The following THRAP3 variants were observed in gnomAD, a reference collection of about 807,000 sequenced individuals.
THRAP3 encodes thyroid hormone receptor associated protein 3.
In THRAP3, 16 loss-of-function variants were observed where a neutral mutation model predicts 101.0. That is an observed-to-expected ratio of 0.16 (90% CI 0.11 to 0.24). THRAP3 has a LOEUF of 0.24. Among genes scored for constraint, THRAP3 ranks in the 10% least tolerant of loss-of-function variants. THRAP3 has a pLI of 1.00. For missense variants in THRAP3, 989 were observed against 1,202.7 expected, an observed-to-expected ratio of 0.82 and a Z score of 2.63; for synonymous variants, 407 against 422.6, an observed-to-expected ratio of 0.96 and a Z score of 0.45.
chr1:36,213,958 A>AGAAAGAAG, the THRAP3 span, among the ~76,000 whole-genome samples: 50 of 118,322 alleles, frequency 4.2e-4, no homozygotes, highest in Admixed American at 6.7e-4. Flanking sequence ...AAAGAAAGAA[A>AGAAAGAAG]GAAGGAAAGA....
chr1:36,286,941 A>G lies in THRAP3; in HGVS notation c.711A>G (p.Ser237=). The G allele has an allele frequency of 2.5e-6, 4 of 1,614,270 alleles. No homozygotes were observed. Among genetic ancestry groups the G allele is most frequent in the Non-Finnish European group, 2.5e-6 (3 of 1,180,054 alleles). Residue 237 remains serine (S), a synonymous_variant, in exon 4 of 12, where the codon TCA becomes TCG. Transcript: ENST00000354618. This position sits in a 1 kb window ranked among gnomAD's most constrained non-coding sequence, Gnocchi z 5.5. Reference sequence around the variant, plus strand: ...GCACTGGTTCTGCATCACGGGCCTCAGCAGTTTCTGAGCTGAGTCCTCGGG... The same window carrying G: ...GCACTGGTTCTGCATCACGGGCCTCGGCAGTTTCTGAGCTGAGTCCTCGGG... ...TYGTGSASRA[S]AVSELSPRER... is the part of the protein sequence containing the mutation.
In THRAP3 at chr1:36,271,687, G is replaced by A. The variant is rs11804615; in HGVS notation, c.-31-10846G>A. Among the ~76,000 whole-genome samples, 545 of 141,180 alleles carry A rather than the reference G, an allele frequency of 3.9e-3. 5 individuals are homozygous for A. The highest frequency in any genetic ancestry group is 0.015 in the East Asian group (67 of 4,522). 92.6% of individuals were successfully genotyped at this position (141,180 alleles called of 152,430 possible). On this transcript the variant is annotated intron_variant, in intron 2 of 11. Transcript: ENST00000354618. ...TCGCTCACCACAACCTCCACCTCCC[G>A]AGTTCAAGCAATTCTCCTGCCTCAG...
intron 1 of THRAP3, among the ~76,000 whole-genome samples, chr1:36,242,819 A>G (rs1645178349): frequency 6.6e-6 from 1 of 152,120 alleles, no homozygotes; most frequent in Admixed American, 6.5e-5. Context: ...GTACTTATAG[A>G]ATTTTGTTTG....
upstream of THRAP3, among the ~76,000 whole-genome samples, chr1:36,223,122 C>CAATAAATA (rs546686168): frequency 3.3e-5 from 5 of 151,556 alleles, no homozygotes; most frequent in Non-Finnish European, 7.4e-5. Context: ...GGGAGAATCT[C>CAATAAATA]AATAAATAAA....
chr1:36,304,217 G>C lies in THRAP3; in HGVS notation c.*200G>C. The C allele has an allele frequency of 1.4e-6, 1 of 690,746 alleles. No individual in the cohort carries two copies. The highest frequency in any genetic ancestry group is 3.3e-5 in the East Asian group (1 of 30,288). 42.8% of individuals were successfully genotyped at this position (690,746 alleles called of 1,614,324 possible). A position where few individuals can be genotyped will look rare whatever the true frequency, so the allele number is the denominator to read the frequency against. ...GAGGAGGCTGGCCATGGGGCCCAGG[G>C]GTCAGGCCCAGCTTTTGAGCAGAAT... On this transcript the variant is annotated 3_prime_UTR_variant, in exon 12 of 12. Transcript: ENST00000354618.
At chr1:36,243,811 T>C (rs904052165) in intron 1 of THRAP3, among the ~76,000 whole-genome samples, 1 of 135,792 alleles carries the variant, frequency 7.4e-6, no homozygotes, top group Non-Finnish European at 1.6e-5. Flanking sequence ...GACGGGCGGC[T>C]GGCCAGGCGG....
At chr1:36,258,134 C>T (rs1350594086) in intron 1 of THRAP3, among the ~76,000 whole-genome samples, 7 of 151,944 alleles carry the variant, frequency 4.6e-5, no homozygotes, top group Admixed American at 2.6e-4. Flanking sequence ...CCACCACGCC[C>T]GGCTTGGAAT....
chr1:36,292,252 G>GT (rs1557453511), intron 6 of THRAP3, among the ~76,000 whole-genome samples: 1 of 57,504 alleles, frequency 1.7e-5, no homozygotes, highest in African/African-American at 5.4e-5. Context: ...AACATAATGT[G>GT]TTTCTTTGTT....
At chr1:36,226,555 G>A (rs927466449) in intron 1 of THRAP3, among the ~76,000 whole-genome samples, 4 of 152,090 alleles carry the variant, frequency 2.6e-5, no homozygotes, top group Non-Finnish European at 4.4e-5. Context: ...CACCGCGCCC[G>A]GCCACGATTT....
chr1:36,286,573 C>G lies in THRAP3; in HGVS notation c.343C>G (p.Arg115Gly), dbSNP rs200336563. 6.2e-7 allele frequency: 1 copy of G among 1,613,998 alleles called. No individual in the cohort carries two copies. The highest frequency in any genetic ancestry group is 8.5e-7 in the Non-Finnish European group (1 of 1,180,032). Residue 115 changes from arginine to glycine, a missense_variant, in exon 4 of 12, where the codon CGG (arginine) becomes GGG (glycine). Transcript: ENST00000354618. This position sits in a 1 kb window ranked among gnomAD's most constrained non-coding sequence, Gnocchi z 5.5. ...CTACCGCTCAAATTGGCAGAATTAC[C>G]GGCAAGCATACAGTCCTCGTCGAGG... is the stretch of plus-strand genomic sequence containing the variant. ...GNYRSNWQNYRQAYSPRRGRS... is the reference protein window; with the variant it reads ...GNYRSNWQNYGQAYSPRRGRS...
chr1:36,216,422 G>A, the THRAP3 span, among the ~76,000 whole-genome samples: 1 of 148,134 alleles, frequency 6.8e-6, no homozygotes, highest in East Asian at 2.0e-4. Context: ...GCAGAGGCAG[G>A]AGAATCGCTT....
In THRAP3 at chr1:36,292,256, CTTTGTTTCTTTTT is replaced by C. The variant is rs1226069491; in HGVS notation, c.1919-338_1919-326del. 7.2e-3 allele frequency among the ~76,000 whole-genome samples: 391 copies of C among 54,510 alleles called. 2 individuals carry two copies. The highest frequency in any genetic ancestry group is 0.012 in the Admixed American group (32 of 2,724). The allele number at this position is 54,510 out of a possible 152,430, so 35.8% of individuals were successfully genotyped here. On this transcript the variant is annotated intron_variant, in intron 6 of 11. Coordinates refer to ENST00000354618, the MANE Select transcript of THRAP3 (RefSeq NM_005119.4). The stretch of plus-strand genomic sequence containing the variant: ...CTGCCTTTGGTAACATAATGTGTTT[CTTTGTTTCTTTTT>C]TTTTTTTTTTTTTTTTTTTTGAGAC...
At chr1:36,274,076 T>A (rs76525434) in intron 2 of THRAP3, among the ~76,000 whole-genome samples, 5 of 44,776 alleles carry the variant, frequency 1.1e-4, no homozygotes, top group African/African-American at 1.9e-4. Context: ...TGTGTGTGTG[T>A]CACACACACA....
chr1:36,263,970 C>G (rs954098647), intron 2 of THRAP3, among the ~76,000 whole-genome samples: 2 of 152,230 alleles, frequency 1.3e-5, no homozygotes, highest in Non-Finnish European at 2.9e-5. Flanking sequence ...CAGTGTGACA[C>G]ATGCTAATTT....
chr1:36,233,307 A>G (rs1645049714), intron 1 of THRAP3, among the ~76,000 whole-genome samples: 1 of 151,378 alleles, frequency 6.6e-6, no homozygotes, highest in African/African-American at 2.4e-5. Flanking sequence ...GGAGATCAAG[A>G]CCATCCTGGC....
chr1:36,269,159 C>G (rs1645556350), intron 2 of THRAP3, among the ~76,000 whole-genome samples: 1 of 152,148 alleles, frequency 6.6e-6, no homozygotes, highest in Non-Finnish European at 1.5e-5. Flanking sequence ...CCTTAACCCT[C>G]CAATTTCTGA....
intron 1 of THRAP3, among the ~76,000 whole-genome samples, chr1:36,227,918 C>T (rs1275227861): frequency 3.3e-5 from 5 of 152,118 alleles, no homozygotes; most frequent in African/African-American, 1.2e-4. Flanking sequence ...CTCTGTTGCC[C>T]AGGCTGGAGT....
chr1:36,287,692 G>GCTGCA, intron 4 of THRAP3: 1 of 985,436 alleles, frequency 1.0e-6, no homozygotes, highest in Non-Finnish European at 1.2e-6. Context: ...ATGGTGAAGA[G>GCTGCA]CTGCACCCTC....
chr1:36,304,279 T>G lies in THRAP3; in HGVS notation c.*262T>G. 1.5e-5 allele frequency: 5 copies of G among 331,370 alleles called. No individual in the cohort carries two copies. Among genetic ancestry groups the G allele is most frequent in the Non-Finnish European group, 2.2e-5 (4 of 184,388 alleles). 20.5% of individuals were successfully genotyped at this position (331,370 alleles called of 1,614,324 possible). A position where few individuals can be genotyped will look rare whatever the true frequency, so the allele number is the denominator to read the frequency against. ...GGCTTTAGCTGTTTTTCTCATTTGT[T>G]GGTGTGTGGGGTGGGGGCAGGGGTA... On this transcript the variant is annotated 3_prime_UTR_variant, in exon 12 of 12. Transcript: ENST00000354618.
Sources: allele counts gnomAD v4.1 joint callset (sites outside exome capture counted in the v4.1 genomes callset), GRCh38; gene constraint gnomAD v4.1.1; non-coding constraint Gnocchi (gnomAD v3.1); transcripts MANE v1.5; gene names NCBI Gene and HGNC (gene_info 2026-07-23, HGNC 2026-07-21).